The following ANO3 variants were observed in gnomAD, a reference collection of about 807,000 sequenced individuals.
ANO3 encodes anoctamin 3.
ANO3 carries 99 observed loss-of-function variants against 144.8 expected under a neutral mutation model. The ratio of observed to expected loss-of-function variants is 0.68; its 90% CI spans 0.58 to 0.81. The LOEUF is 0.81. ANO3 is among the 30% of genes least tolerant of loss of function. The probability of loss-of-function intolerance (pLI) is 0.00; values close to 1 mark genes in which losing one functional copy is unlikely to be tolerated. For synonymous variants in ANO3, 414 were observed against 392.6 expected (o/e 1.05, Z -0.64); for missense variants, 905 against 1,202.2 (o/e 0.75, Z 3.66).
In ANO3 at chr11:26,261,479, C is replaced by G. The variant is rs139558118; in HGVS notation, c.155-48166C>G. Among the ~76,000 whole-genome samples, 278 of 152,270 alleles carry G rather than the reference C, an allele frequency of 1.8e-3. 1 individual carries two copies. Among genetic ancestry groups the G allele is most frequent in the African/African-American group, 6.2e-3 (258 of 41,554 alleles). ...TCACCTGATTGCTTTGATCAATGCCCTGTTTATTTTACCTTTCCTTGTTCT... is the reference window on the plus strand; with the variant it reads ...TCACCTGATTGCTTTGATCAATGCCGTGTTTATTTTACCTTTCCTTGTTCT... On this transcript the variant is annotated intron_variant, in intron 1 of 27. Coordinates refer to the ANO3 transcript ENST00000672621.
At chr11:26,448,905 C>T (rs1197813655) in intron 3 of ANO3, among the ~76,000 whole-genome samples, 1 of 150,646 alleles carries the variant, frequency 6.6e-6, no homozygotes. Flanking sequence ...ACAATAACTT[C>T]CGAACAGATC....
intron 4 of ANO3, among the ~76,000 whole-genome samples, chr11:26,487,934 G>A (rs1022621793): frequency 9.9e-5 from 15 of 152,146 alleles, no homozygotes; most frequent in Admixed American, 2.0e-4. Flanking sequence ...TTGGGAGGCC[G>A]AGGTGGGCAG....
rs191000936 is a variant in ANO3 at position 26,393,803 on chromosome 11, T to C, written c.47-48115T>C. Among the ~76,000 whole-genome samples, 733 of 152,278 alleles carry C rather than the reference T, an allele frequency of 4.8e-3. 8 individuals are homozygous for C. Among genetic ancestry groups the C allele is most frequent in the African/African-American group, 0.013 (558 of 41,564 alleles). On this transcript the variant is annotated intron_variant, in intron 1 of 26. Coordinates refer to ENST00000256737, the MANE Select transcript of ANO3 (RefSeq NM_031418.4). ...GAGTTGTTATTGGCATAAAAAGTTG[T>C]TTTGAAAACTTCACATAAATAGTTG... is the stretch of plus-strand genomic sequence containing the variant.
At chr11:26,409,955 G>T (rs986691749) in intron 1 of ANO3, among the ~76,000 whole-genome samples, 179 of 151,972 alleles carry the variant, frequency 1.2e-3, no homozygotes, top group African/African-American at 4.2e-3. Context: ...TTTTCTACAC[G>T]ATTGTAAGCT....
At chr11:26,625,530 A>G (rs1396256961) in intron 18 of ANO3, among the ~76,000 whole-genome samples, 1 of 152,148 alleles carries the variant, frequency 6.6e-6, no homozygotes, top group Non-Finnish European at 1.5e-5. Flanking sequence ...TACCTACGGC[A>G]TGGTATATTC....
At chr11:26,508,075 A>G in intron 4 of ANO3, 29 bp from the exon 5 acceptor site, 1 of 1,562,682 alleles carries the variant, frequency 6.4e-7, no homozygotes, top group Non-Finnish European at 8.6e-7. Flanking sequence ...TCTAACCCAC[A>G]CCATTAACAA....
At chr11:26,539,148 AC>A (rs2134200275) in intron 10 of ANO3, among the ~76,000 whole-genome samples, 1 of 150,922 alleles carries the variant, frequency 6.6e-6, no homozygotes, top group South Asian at 2.1e-4. Flanking sequence ...ACACACACAC[AC>A]ACACACACAC....
intron 1 of ANO3, among the ~76,000 whole-genome samples, chr11:26,244,044 G>A (rs1852725231): frequency 6.6e-6 from 1 of 150,822 alleles, no homozygotes; most frequent in South Asian, 2.1e-4. Context: ...TTGAACCTGG[G>A]AGGCAGAGGT....
intron 1 of ANO3, among the ~76,000 whole-genome samples, chr11:26,294,353 T>C (rs1854037578): frequency 6.6e-6 from 1 of 152,188 alleles, no homozygotes; most frequent in African/African-American, 2.4e-5. Context: ...TATTATGATA[T>C]CACAGGATCT....
In ANO3 at chr11:26,470,761, C is replaced by A. The variant is rs114254559; in HGVS notation, c.432+7613C>A. ...AAGAGATGTTTATAGTTTTTAACAC[C>A]GGGTGGTAAAATTCAAAGGACATAA... On this transcript the variant is annotated intron_variant, in intron 4 of 26. Coordinates refer to ENST00000256737, the MANE Select transcript of ANO3 (RefSeq NM_031418.4). Among the ~76,000 whole-genome samples the A allele has an allele frequency of 8.8e-3, 1,336 of 151,740 alleles. 17 individuals carry two copies. Among genetic ancestry groups the A allele is most frequent in the African/African-American group, 0.03 (1,249 of 41,386 alleles).
At chr11:26,528,277 C>T (rs1849216602) in intron 7 of ANO3, among the ~76,000 whole-genome samples, 1 of 151,976 alleles carries the variant, frequency 6.6e-6, no homozygotes. Context: ...TTAAGAGAAG[C>T]AAAACTTAGT....
chr11:26,608,747 G>A (rs1852006683), intron 17 of ANO3, among the ~76,000 whole-genome samples: 2 of 152,266 alleles, frequency 1.3e-5, no homozygotes, highest in East Asian at 1.9e-4. Flanking sequence ...CAGACTGTGT[G>A]TTGGGCTGTG....
At chr11:26,223,602 T>TAAAA (rs58028308) in intron 1 of ANO3, among the ~76,000 whole-genome samples, 14 of 103,866 alleles carry the variant, frequency 1.3e-4, no homozygotes, top group East Asian at 5.1e-4. Context: ...AGCTTTTTAA[T>TAAAA]AAAAAAAAAA....
intron 1 of ANO3, chr11:26,208,465 A>T (rs1851862382): frequency 6.6e-6 from 1 of 151,238 alleles, no homozygotes; most frequent in Non-Finnish European, 1.5e-5. Context: ...GTGAGCCAAG[A>T]TCACACCACT....
At chr11:26,517,277 A>G (rs1413044938) in intron 6 of ANO3, among the ~76,000 whole-genome samples, 1 of 152,064 alleles carries the variant, frequency 6.6e-6, no homozygotes, top group East Asian at 1.9e-4. Context: ...GTATAAGTGC[A>G]TAGCATTTTC....
At chr11:26,624,362 C>A in intron 17 of ANO3, 100 bp from the exon 18 acceptor site, 2 of 780,766 alleles carry the variant, frequency 2.6e-6, no homozygotes, top group South Asian at 3.7e-5. Flanking sequence ...AATGTAACCA[C>A]TGTATAACAT....
chr11:26,390,350 G>A (rs1431640002), intron 1 of ANO3, among the ~76,000 whole-genome samples: 1 of 151,996 alleles, frequency 6.6e-6, no homozygotes, highest in African/African-American at 2.4e-5. Context: ...ACTCTTCAGT[G>A]TTAATTTATT....
intron 1 of ANO3, among the ~76,000 whole-genome samples, chr11:26,381,070 C>T (rs763087926): frequency 1.6e-4 from 24 of 152,072 alleles, no homozygotes; most frequent in Non-Finnish European, 2.1e-4. Context: ...AATCGAGGCC[C>T]CTGATGCCTT....
intron 1 of ANO3, among the ~76,000 whole-genome samples, chr11:26,303,220 C>A (rs1854278132): frequency 6.6e-6 from 1 of 152,132 alleles, no homozygotes; most frequent in Non-Finnish European, 1.5e-5. Flanking sequence ...ATAAATCGTT[C>A]TGCCAAAAAG....
Sources: allele counts gnomAD v4.1 joint callset (sites outside exome capture counted in the v4.1 genomes callset), GRCh38; gene constraint gnomAD v4.1.1; transcripts MANE v1.5; gene names NCBI Gene and HGNC (gene_info 2026-07-23, HGNC 2026-07-21).